The following PLXNA2 variants were observed in gnomAD, a reference collection of about 807,000 sequenced individuals.
PLXNA2 encodes the protein plexin A2, also known as plexin-A2.
Under a neutral mutation model 193.5 loss-of-function variants are expected in PLXNA2, and 91 were observed. The observed-to-expected ratio is 0.47, with a 90% CI of 0.40 to 0.56. PLXNA2 has a LOEUF of 0.56. Ranked by LOEUF, PLXNA2 falls within the 20% of genes least tolerant of loss-of-function variation. The pLI, the probability that PLXNA2 is intolerant of heterozygous loss-of-function variation, is 0.00. For missense variants in PLXNA2, 1,995 were observed against 2,503.2 expected, an observed-to-expected ratio of 0.80 and a Z score of 4.33; for synonymous variants, 997 against 1,027.3, an observed-to-expected ratio of 0.97 and a Z score of 0.56.
intron 3 of PLXNA2, among the ~76,000 whole-genome samples, chr1:208,170,120 T>C (rs1669442962): frequency 6.6e-6 from 1 of 152,162 alleles, no homozygotes; most frequent in Non-Finnish European, 1.5e-5. Context: ...TGCTGATAGG[T>C]ATATTGTTCT....
Position 208,098,185 on chromosome 1 carries a change from T to A in PLXNA2, c.1731+661A>T, listed in dbSNP as rs1029469550. On this transcript the variant is annotated intron_variant, in intron 6 of 31. Coordinates refer to ENST00000367033, the MANE Select transcript of PLXNA2 (RefSeq NM_025179.4). ...AAACTCCCCTGTTTGTTTCCTCAGC[T>A]CCCTTGGAGCCAAAAGCTCCTGGTG... Among the ~76,000 whole-genome samples, 10 of 152,162 alleles carry A rather than the reference T, an allele frequency of 6.6e-5. No individual in the cohort carries two copies. In the South Asian group the frequency reaches 8.3e-4, roughly 13 times the overall value.
In PLXNA2 at chr1:208,060,745, A is replaced by G. The variant is rs759006269; in HGVS notation, c.2679T>C (p.His893=). The G allele has an allele frequency of 3.1e-6, 5 of 1,613,848 alleles. No individual in the cohort carries two copies. The highest frequency in any genetic ancestry group is 8.5e-7 in the Non-Finnish European group (1 of 1,179,910). Residue 893 remains histidine (H), a synonymous_variant, in exon 13 of 32, where the codon CAT becomes CAC. Transcript: ENST00000367033. ...TGCAGGGCACCCCAGCCACCTGCAC[A>G]TGGTGGGCGATCTCGGAGAAGTCCA... ...LGLDFSEIAH[H]VQVAGVPCTP...
intron 27 of PLXNA2, among the ~76,000 whole-genome samples, chr1:208,034,000 C>T (rs1664591516): frequency 6.6e-6 from 1 of 152,106 alleles, no homozygotes; most frequent in Non-Finnish European, 1.5e-5. Flanking sequence ...AAGCCCAAGG[C>T]CTTAGTGCAT....
At chr1:208,040,206 C>T in intron 22 of PLXNA2, 148 bp from the exon 23 acceptor site, 2 of 641,918 alleles carry the variant, frequency 3.1e-6, no homozygotes, top group Admixed American at 5.2e-5. Flanking sequence ...CAGCCCAGCT[C>T]ACCCAGTAAC....
chr1:208,143,848 G>GT (rs59302077), intron 3 of PLXNA2, among the ~76,000 whole-genome samples: 1,836 of 152,146 alleles, frequency 0.012, 41 homozygotes, highest in African/African-American at 0.042. Context: ...TCAGATGTGC[G>GT]TAAGTCCTGT....
Position 208,025,100 on chromosome 1 carries a change from G to C in PLXNA2, c.*2143C>G, listed in dbSNP as rs1231038176. On this transcript the variant is annotated 3_prime_UTR_variant, in exon 32 of 32. Transcript: ENST00000367033. ...TTCAAAAGAAAGTGGCCTTGGCATGGCTGGTTGTGAATTATAATGAAAACA... is the reference window on the plus strand; with the variant it reads ...TTCAAAAGAAAGTGGCCTTGGCATGCCTGGTTGTGAATTATAATGAAAACA... 2.6e-5 allele frequency: 4 copies of C among 152,642 alleles called. No homozygotes were observed. The highest frequency in any genetic ancestry group is 4.4e-5 in the Non-Finnish European group (3 of 68,052). The allele number at this position is 152,642 out of a possible 1,614,324, so 9.5% of individuals were successfully genotyped here. A position where few individuals can be genotyped will look rare whatever the true frequency, so the allele number is the denominator to read the frequency against.
intron 12 of PLXNA2, among the ~76,000 whole-genome samples, chr1:208,065,731 G>T (rs1299900260): frequency 6.6e-6 from 1 of 152,198 alleles, no homozygotes. Context: ...CCTGAGCTTG[G>T]GCAGGGAGTA....
intron 4 of PLXNA2, among the ~76,000 whole-genome samples, chr1:208,120,179 A>C (rs1667762428): frequency 6.6e-6 from 1 of 152,246 alleles, no homozygotes; most frequent in Non-Finnish European, 1.5e-5. Flanking sequence ...GGTGGCCAAA[A>C]CCAAAGGAAA....
chr1:208,142,279 A>C, intron 4 of PLXNA2, 50 bp downstream of exon 4: 4 of 1,538,456 alleles, frequency 2.6e-6, no homozygotes, highest in Non-Finnish European at 3.5e-6. Flanking sequence ...GTGACAGATT[A>C]TCAGCAGTTT....
intron 9 of PLXNA2, among the ~76,000 whole-genome samples, chr1:208,091,253 C>A (rs1309677489): frequency 4.6e-5 from 7 of 152,212 alleles, no homozygotes; most frequent in Non-Finnish European, 7.3e-5. Context: ...CTGAACATAA[C>A]ACCTGTTGTT....
At chr1:208,096,003 C>A (rs1666873630) in intron 8 of PLXNA2, 26 bp downstream of exon 8, 2 of 1,570,548 alleles carry the variant, frequency 1.3e-6, no homozygotes, top group Admixed American at 1.7e-5. Flanking sequence ...AGACCCAGAG[C>A]AAGACCCTTT....
rs187243494 is a variant in PLXNA2 at position 208,132,018 on chromosome 1, G to C, written c.1506+10311C>G. ...ATAATACCTGTCTTCCCAGGTTCTTGTGAAGAGGGGAGATCATGCTCGTGA... is the reference window on the plus strand; with the variant it reads ...ATAATACCTGTCTTCCCAGGTTCTTCTGAAGAGGGGAGATCATGCTCGTGA... On this transcript the variant is annotated intron_variant, in intron 4 of 31. Transcript: ENST00000367033. 7.3e-4 allele frequency among the ~76,000 whole-genome samples: 111 copies of C among 152,256 alleles called. 2 individuals carry two copies. Among genetic ancestry groups the C allele is most frequent in the Non-Finnish European group, 1.4e-3 (92 of 68,020 alleles).
chr1:208,162,811 C>G (rs1017061741), intron 3 of PLXNA2, among the ~76,000 whole-genome samples: 4 of 152,124 alleles, frequency 2.6e-5, no homozygotes, highest in African/African-American at 9.7e-5. Flanking sequence ...CTAGTAAGAA[C>G]AGAGCCAGGT....
chr1:208,238,229 A>G (rs1195760090), intron 1 of PLXNA2, among the ~76,000 whole-genome samples: 1 of 152,170 alleles, frequency 6.6e-6, no homozygotes, highest in East Asian at 1.9e-4. Context: ...CTTCACTCGG[A>G]GCCCTGGGAT....
At chr1:208,076,362 G>A (rs1410255330) in intron 12 of PLXNA2, among the ~76,000 whole-genome samples, 2 of 152,104 alleles carry the variant, frequency 1.3e-5, no homozygotes, top group Non-Finnish European at 2.9e-5. Context: ...TTACAGGTGT[G>A]AGCCACTGCA....
rs112069104 is a variant in PLXNA2 at position 208,031,912 on chromosome 1, T to C, written c.5056-153A>G. 10 of 892,124 alleles carry C rather than the reference T, an allele frequency of 1.1e-5. No homozygotes were observed. In the African/African-American group the frequency reaches 1.3e-4, roughly 11 times the overall value. The allele number at this position is 892,124 out of a possible 1,614,324, so 55.3% of individuals were successfully genotyped here. On this transcript the variant is annotated intron_variant, in intron 28 of 31. Transcript: ENST00000367033. ...TGTTGCGGGGTGGGGAAGGGTACTA[T>C]TGGTTAGCTGGGGAGGTGGGAGAAA...
In PLXNA2 at chr1:208,026,779, AGATG is replaced by A. The variant is rs1379475499; in HGVS notation, c.*460_*463del. The A allele has an allele frequency of 6.5e-6, 1 of 152,782 alleles. No individual in the cohort carries two copies. The highest frequency in any genetic ancestry group is 6.5e-5 in the Admixed American group (1 of 15,290). The allele number at this position is 152,782 out of a possible 1,614,324, so 9.5% of individuals were successfully genotyped here. A position where few individuals can be genotyped will look rare whatever the true frequency, so the allele number is the denominator to read the frequency against. Reference sequence around the variant, plus strand: ...TATAAAGAAGGAGGAATGGGAGAAAAGATGGAAGGGAGACAGAAATCAGAATTAA... The same window carrying A: ...TATAAAGAAGGAGGAATGGGAGAAAAGAAGGGAGACAGAAATCAGAATTAA... On this transcript the variant is annotated 3_prime_UTR_variant, in exon 32 of 32. Coordinates refer to ENST00000367033, the MANE Select transcript of PLXNA2 (RefSeq NM_025179.4).
rs761896667 is a variant in PLXNA2 at position 208,052,316 on chromosome 1, G to A, written c.2993+11C>T. On this transcript the variant is annotated intron_variant, in intron 15 of 31. Coordinates refer to ENST00000367033, the MANE Select transcript of PLXNA2 (RefSeq NM_025179.4). Reference sequence around the variant, plus strand: ...GTGCAGTCTTCTGGTGGCCCTTCAAGTTTATCTCACCCGTAGAACTCGCAG... The same window carrying A: ...GTGCAGTCTTCTGGTGGCCCTTCAAATTTATCTCACCCGTAGAACTCGCAG... 4.8e-5 allele frequency: 77 copies of A among 1,611,808 alleles called. 1 individual carries two copies. In the South Asian group the frequency reaches 8.2e-4, roughly 17 times the overall value.
chr1:208,206,013 T>A (rs996644637), intron 3 of PLXNA2, among the ~76,000 whole-genome samples: 1 of 152,220 alleles, frequency 6.6e-6, no homozygotes, highest in Non-Finnish European at 1.5e-5. Context: ...CATTTCCTCA[T>A]CTTTAAAATG....
Sources: gnomAD v4.1 joint callset for allele counts (sites outside exome capture counted in the v4.1 genomes callset) on GRCh38, gnomAD v4.1.1 for gene constraint, MANE v1.5 for transcripts, NCBI Gene and HGNC (gene_info 2026-07-23, HGNC 2026-07-21) for gene names.